N4BP2L1: variants seen among roughly 807,000 people sequenced by gnomAD.
N4BP2L1 encodes NEDD4 binding protein 2 like 1, also known as NEDD4-binding protein 2-like 1.
A neutral mutation model predicts 21.2 loss-of-function variants in N4BP2L1; 12 were observed. The observed-to-expected ratio is 0.57, with a 90% CI of 0.36 to 0.92. The LOEUF (loss-of-function observed/expected upper bound fraction) is 0.92. N4BP2L1 is among the 40% of genes least tolerant of loss of function. N4BP2L1 has a pLI of 0.01. For missense variants in N4BP2L1, 259 were observed against 310.6 expected (o/e 0.83, Z 1.25); for synonymous variants, 104 against 112.8 (o/e 0.92, Z 0.49).
At chr13:32,428,630 A>C (rs2074920886), upstream of N4BP2L1, among the ~76,000 whole-genome samples, 1 of 152,144 alleles carries the variant, frequency 6.6e-6, no homozygotes, top group Non-Finnish European at 1.5e-5. Flanking sequence ...ATCTTTTCTT[A>C]TTTCATCTTT....
Position 32,403,168 on chromosome 13 carries a change from A to AT in N4BP2L1, c.505dup (p.Ile169AsnfsTer9), listed in dbSNP as rs773431131. On this transcript the variant is annotated frameshift_variant, in exon 5 of 5. Transcript: ENST00000380130. LOFTEE classifies it low-confidence loss of function (END_TRUNC). ...TTCATACCGTTCTTTCATTCGGTGGATTTTTTCTCTTGAGACACCATGAAT... is the reference window on the plus strand; with the variant it reads ...TTCATACCGTTCTTTCATTCGGTGGATTTTTTTCTCTTGAGACACCATGAAT... 1.1e-5 allele frequency: 17 copies of AT among 1,608,668 alleles called. No homozygotes were observed. The highest frequency in any genetic ancestry group is 4.5e-5 in the East Asian group (2 of 44,760).
upstream of N4BP2L1, among the ~76,000 whole-genome samples, chr13:32,429,501 G>A (rs2074935980): frequency 6.6e-6 from 1 of 152,218 alleles, no homozygotes; most frequent in African/African-American, 2.4e-5. Flanking sequence ...AGCTTCACAT[G>A]CTACCTTTTT....
intron 4 of N4BP2L1, chr13:32,403,611 G>C: frequency 2.0e-6 from 1 of 488,984 alleles, no homozygotes. Context: ...TTAAATTCTA[G>C]TGGGCAGAAG....
intron 1 of N4BP2L1, chr13:32,411,880 T>C (rs2073881286): frequency 1.6e-6 from 1 of 618,762 alleles, no homozygotes; most frequent in Non-Finnish European, 2.0e-6. Context: ...CCCAGTTTTT[T>C]ACTAGGGAAA....
rs2073090701 is a variant in N4BP2L1 at position 32,400,753 on chromosome 13, C to T, written c.*2189G>A. ...GTAAAAATTTGTGTTATTTATTCAG[C>T]AATCATTTAATGAGACCCTATTGCC... On this transcript the variant is annotated 3_prime_UTR_variant, in exon 5 of 5. Coordinates refer to ENST00000380130, the MANE Select transcript of N4BP2L1 (RefSeq NM_052818.3). The T allele has an allele frequency of 6.6e-6, 1 of 152,140 alleles. No homozygotes were observed. Among genetic ancestry groups the T allele is most frequent in the African/African-American group, 2.4e-5 (1 of 41,434 alleles). 9.4% of individuals were successfully genotyped at this position (152,140 alleles called of 1,614,324 possible).
chr13:32,419,813 CG>C (rs1459829333), intron 1 of N4BP2L1, among the ~76,000 whole-genome samples: 4 of 152,212 alleles, frequency 2.6e-5, no homozygotes, highest in African/African-American at 9.6e-5. Flanking sequence ...AGGAGACTGA[CG>C]GAGAGGATTC....
chr13:32,427,583 TG>T (rs2074855173), intron 1 of N4BP2L1, among the ~76,000 whole-genome samples: 1 of 151,618 alleles, frequency 6.6e-6, no homozygotes, highest in African/African-American at 2.4e-5. Flanking sequence ...CCGGGGCCGC[TG>T]GGGCTTGCGC....
intron 3 of N4BP2L1, among the ~76,000 whole-genome samples, chr13:32,405,059 A>G (rs1203567079): frequency 6.6e-6 from 1 of 152,162 alleles, no homozygotes; most frequent in Non-Finnish European, 1.5e-5. Flanking sequence ...TAAAACATAG[A>G]GTGGAAAGAG....
At chr13:32,427,195 C>T (rs2074820379) in intron 1 of N4BP2L1, among the ~76,000 whole-genome samples, 1 of 152,250 alleles carries the variant, frequency 6.6e-6, no homozygotes, top group Non-Finnish European at 1.5e-5. Context: ...TGGCGAGGCT[C>T]TGTCAGTGAC....
chr13:32,408,182 C>T (rs1337619117), intron 1 of N4BP2L1, among the ~76,000 whole-genome samples: 1 of 152,204 alleles, frequency 6.6e-6, no homozygotes, highest in Non-Finnish European at 1.5e-5. Context: ...GGGTGCCAGA[C>T]CCCCATGCTG....
At chr13:32,427,274 C>G (rs954908344) in intron 1 of N4BP2L1, among the ~76,000 whole-genome samples, 1 of 152,210 alleles carries the variant, frequency 6.6e-6, no homozygotes, top group Non-Finnish European at 1.5e-5. Context: ...GCTGCCAAAG[C>G]AAACGCAGGC....
chr13:32,417,003 G>A (rs2137892815), intron 1 of N4BP2L1, among the ~76,000 whole-genome samples: 1 of 152,064 alleles, frequency 6.6e-6, no homozygotes, highest in East Asian at 1.9e-4. Context: ...TTTTAGTAGA[G>A]ACGAGGTTTC....
At chr13:32,409,049 A>C (rs145613502) in intron 1 of N4BP2L1, among the ~76,000 whole-genome samples, 199 of 152,370 alleles carry the variant, frequency 1.3e-3, no homozygotes, top group African/African-American at 4.5e-3. Flanking sequence ...ACTTTACAAA[A>C]GTAAAATGGT....
intron 1 of N4BP2L1, among the ~76,000 whole-genome samples, chr13:32,419,053 G>A (rs1566335214): frequency 6.6e-6 from 1 of 152,114 alleles, no homozygotes; most frequent in African/African-American, 2.4e-5. Context: ...AGACATGATT[G>A]TGTTTTGAAA....
Position 32,407,653 on chromosome 13 carries a change from T to TGG in N4BP2L1, c.297_298dup (p.Gln100ProfsTer9). The TGG allele has an allele frequency of 1.2e-6, 2 of 1,613,510 alleles. No individual in the cohort carries two copies. Among genetic ancestry groups the TGG allele is most frequent in the Non-Finnish European group, 1.7e-6 (2 of 1,180,018 alleles). On this transcript the variant is annotated frameshift_variant, in exon 2 of 5. Coordinates refer to ENST00000380130, the MANE Select transcript of N4BP2L1 (RefSeq NM_052818.3). LOFTEE classifies it high-confidence loss of function. ...GGGAAGGAATTTGTCACCTCTTTTT[T>TGG]GGTTCCATTCATGAGCTTCCTCCAG...
intron 1 of N4BP2L1, among the ~76,000 whole-genome samples, chr13:32,412,651 A>G (rs1326905752): frequency 1.3e-5 from 2 of 152,104 alleles, no homozygotes; most frequent in Non-Finnish European, 2.9e-5. Context: ...CAAAAAAAAA[A>G]AAAAAAAAGA....
chr13:32,412,203 C>T (rs615762), intron 1 of N4BP2L1, among the ~76,000 whole-genome samples: 127,833 of 152,124 alleles, frequency 0.84, 53,947 homozygotes, highest in African/African-American at 0.91. Context: ...TTAGAAAATA[C>T]ACAAACCTAT....
Position 32,428,006 on chromosome 13 carries a change from G to T in N4BP2L1, c.77C>A (p.Pro26His), listed in dbSNP as rs1029052278. 3.8e-6 allele frequency: 6 copies of T among 1,560,030 alleles called. No individual in the cohort carries two copies. In the African/African-American group the frequency reaches 7.0e-5, roughly 18 times the overall value. ...AGGTGTCCCCCGCGGGGGCGGCCGG[G>T]GCGGCCGCTGCCGCTGCTGCTGCTG... ...PQQQQQRQRP[P>H]RPPPRGTPPR... Residue 26 changes from proline to histidine, a missense_variant, in exon 1 of 5, where the codon CCC (proline) becomes CAC (histidine). Around this residue, in one of 3 missense-constraint regions of N4BP2L1, gnomAD observed 60 missense variants for 54.7 expected, o/e 1.10. Coordinates refer to ENST00000380130, the MANE Select transcript of N4BP2L1 (RefSeq NM_052818.3).
chr13:32,405,400 C>T (rs1171426578), intron 3 of N4BP2L1, among the ~76,000 whole-genome samples: 2 of 152,108 alleles, frequency 1.3e-5, no homozygotes, highest in Non-Finnish European at 2.9e-5. Flanking sequence ...ATCCCAGCTG[C>T]TGGGGTGGCT....
Sources: gnomAD v4.1 joint callset for allele counts (sites outside exome capture counted in the v4.1 genomes callset) on GRCh38, gnomAD v4.1.1 for gene constraint, gnomAD v4.1.1 regional missense constraint, MANE v1.5 for transcripts, NCBI Gene and HGNC (gene_info 2026-07-23, HGNC 2026-07-21) for gene names.